The following NEK11 variants were observed in gnomAD, a reference collection of about 807,000 sequenced individuals.
The protein encoded by NEK11 is NIMA related kinase 11.
Under a neutral mutation model 80.7 loss-of-function variants are expected in NEK11, and 72 were observed. That is an observed-to-expected ratio of 0.89 (90% CI 0.74 to 1.08). The LOEUF is 1.08. Ranked by LOEUF, NEK11 falls within the 50% of genes least tolerant of loss-of-function variation. NEK11 has a pLI of 0.00. For synonymous variants in NEK11, 251 were observed against 260.7 expected (o/e 0.96, Z 0.36); for missense variants, 764 against 763.6 (o/e 1.00, Z -0.01).
chr3:131,152,803 A>G, intron 9 of NEK11, 94 bp downstream of exon 9: 1 of 908,870 alleles, frequency 1.1e-6, no homozygotes, highest in Non-Finnish European at 1.7e-6. Context: ...ATGATTCAGT[A>G]AGAATCAACC....
At chr3:131,083,241 T>C (rs373911498) in intron 4 of NEK11, among the ~76,000 whole-genome samples, 1 of 152,270 alleles carries the variant, frequency 6.6e-6, no homozygotes, top group Admixed American at 6.5e-5. Context: ...GGGACAGTTC[T>C]ATAAGATTTT....
rs534322607 is a variant in NEK11 at position 131,165,609 on chromosome 3, A to G, written c.1176+90A>G. On this transcript the variant is annotated intron_variant, in intron 12 of 17. Transcript: ENST00000383366. Reference sequence around the variant, plus strand: ...TTGGGTAGGAAAAGGGACAAGGGAGAAAACAAGAACATCCAGATTAACTTC... The same window carrying G: ...TTGGGTAGGAAAAGGGACAAGGGAGGAAACAAGAACATCCAGATTAACTTC... 36 of 759,878 alleles carry G rather than the reference A, an allele frequency of 4.7e-5. No homozygotes were observed. The African/African-American group carries it at 6.0e-4, about 13-fold the overall frequency. The allele number at this position is 759,878 out of a possible 1,614,324, so 47.1% of individuals were successfully genotyped here.
chr3:131,207,933 G>A (rs936494948), intron 14 of NEK11, among the ~76,000 whole-genome samples: 12 of 152,236 alleles, frequency 7.9e-5, no homozygotes, highest in South Asian at 2.1e-4. Context: ...CACTCTGATC[G>A]TGGTTTCTTT....
At chr3:131,118,227 A>G (rs2081650900) in intron 5 of NEK11, among the ~76,000 whole-genome samples, 2 of 152,164 alleles carry the variant, frequency 1.3e-5, no homozygotes, top group African/African-American at 4.8e-5. Flanking sequence ...ATCTATTGAG[A>G]TAATCATGTG....
intron 17 of NEK11, among the ~76,000 whole-genome samples, chr3:131,307,277 C>T (rs911943187): frequency 1.3e-5 from 2 of 152,188 alleles, no homozygotes; most frequent in Admixed American, 1.3e-4. Flanking sequence ...GTATCCTTTA[C>T]TGAGCCACTG....
intron 15 of NEK11, among the ~76,000 whole-genome samples, chr3:131,240,317 C>T (rs2095501187): frequency 6.6e-6 from 1 of 152,154 alleles, no homozygotes. Flanking sequence ...ATAGGTGTGG[C>T]AAAACCTCTT....
intron 6 of NEK11, among the ~76,000 whole-genome samples, chr3:131,133,537 T>G (rs1161033255): frequency 6.6e-6 from 1 of 152,186 alleles, no homozygotes; most frequent in Non-Finnish European, 1.5e-5. Flanking sequence ...TTATTCAGAC[T>G]TTAAATAGCT....
At position 131,029,786 on chromosome 3, in the gene NEK11, A is replaced by G. The variant is rs762135735; in HGVS notation, c.78A>G (p.Ala26=). 3 of 1,614,228 alleles carry G rather than the reference A, an allele frequency of 1.9e-6. No individual in the cohort carries two copies. The highest frequency in any genetic ancestry group is 1.3e-5 in the African/African-American group (1 of 75,066). The stretch of plus-strand genomic sequence containing the variant: ...CCACTTATCCAAAGACCTTGATTGC[A>G]AGAAGATACGTGCTTCAACAAAAAC... ...AISTYPKTLI[A]RRYVLQQKLG... is the part of the protein sequence containing the mutation. Residue 26 remains alanine (A), a synonymous_variant, in exon 3 of 18, where the codon GCA becomes GCG. Transcript: ENST00000383366.
At chr3:131,149,738 G>A (rs2718871) in intron 7 of NEK11, among the ~76,000 whole-genome samples, 14,467 of 151,762 alleles carry the variant, frequency 0.095, 1,215 homozygotes, top group East Asian at 0.43. Flanking sequence ...ATTTGTTATC[G>A]TTAATCTGTG....
intron 14 of NEK11, among the ~76,000 whole-genome samples, chr3:131,226,473 C>T (rs2095200692): frequency 6.6e-6 from 1 of 152,132 alleles, no homozygotes; most frequent in Non-Finnish European, 1.5e-5. Context: ...GGCATATATA[C>T]ACCATGCAAT....
chr3:131,214,617 G>C (rs1580319745), intron 14 of NEK11, among the ~76,000 whole-genome samples: 1 of 152,084 alleles, frequency 6.6e-6, no homozygotes, highest in Non-Finnish European at 1.5e-5. Context: ...TAGGATAAAA[G>C]TGCAGACTCT....
intron 17 of NEK11, among the ~76,000 whole-genome samples, chr3:131,335,835 G>A (rs2097173130): frequency 6.6e-6 from 1 of 152,128 alleles, no homozygotes; most frequent in African/African-American, 2.4e-5. Context: ...CAGACAAACA[G>A]AGAGCCAAAT....
chr3:131,056,054 C>A (rs1324588349), intron 3 of NEK11, among the ~76,000 whole-genome samples: 1 of 152,112 alleles, frequency 6.6e-6, no homozygotes, highest in African/African-American at 2.4e-5. Flanking sequence ...AACCATTTTA[C>A]AGGGGAGTAA....
intron 17 of NEK11, among the ~76,000 whole-genome samples, chr3:131,297,226 G>A (rs1383179816): frequency 2.0e-5 from 3 of 151,562 alleles, no homozygotes; most frequent in Admixed American, 2.0e-4. Flanking sequence ...AGATCCCTGA[G>A]GAATCGCCAC....
At chr3:131,107,779 C>T (rs2079435529) in intron 4 of NEK11, among the ~76,000 whole-genome samples, 1 of 152,046 alleles carries the variant, frequency 6.6e-6, no homozygotes. Context: ...AGTTCAAACC[C>T]ATGTTATTCA....
At chr3:131,275,391 G>A (rs1451560404) in intron 17 of NEK11, among the ~76,000 whole-genome samples, 3 of 152,156 alleles carry the variant, frequency 2.0e-5, no homozygotes, top group Admixed American at 6.5e-5. Context: ...ATTATGAAAT[G>A]TTTTAAATAA....
chr3:131,332,190 T>G (rs2097100555), intron 17 of NEK11, among the ~76,000 whole-genome samples: 1 of 152,196 alleles, frequency 6.6e-6, no homozygotes, highest in Admixed American at 6.5e-5. Context: ...CCCTGACCCC[T>G]GAGCAACCTA....
intron 17 of NEK11, among the ~76,000 whole-genome samples, chr3:131,302,308 A>G (rs138936142): frequency 6.6e-6 from 1 of 151,970 alleles, no homozygotes; most frequent in Admixed American, 6.6e-5. Flanking sequence ...TAAAAAACCA[A>G]CTCCTGAATT....
intron 16 of NEK11, among the ~76,000 whole-genome samples, chr3:131,265,913 G>A (rs765280310): frequency 6.6e-6 from 1 of 152,098 alleles, no homozygotes; most frequent in African/African-American, 2.4e-5. Flanking sequence ...GTCTATTCAG[G>A]GATTTAACTT....
Sources: allele counts gnomAD v4.1 joint callset (sites outside exome capture counted in the v4.1 genomes callset), GRCh38; gene constraint gnomAD v4.1.1; transcripts MANE v1.5; gene names NCBI Gene and HGNC (gene_info 2026-07-23, HGNC 2026-07-21).